The following CCDC30 variants were observed in gnomAD, a reference collection of about 807,000 sequenced individuals.
The protein encoded by CCDC30 is coiled-coil domain-containing protein 30.
In CCDC30, 70 loss-of-function variants were observed where a neutral mutation model predicts 100.2. That is an observed-to-expected ratio of 0.70 (90% confidence interval 0.58 to 0.85). The LOEUF (loss-of-function observed/expected upper bound fraction) is 0.85. Among genes scored for constraint, CCDC30 ranks in the 40% least tolerant of loss-of-function variants. CCDC30 has a pLI of 0.00. For missense variants in CCDC30, 652 were observed against 771.2 expected (o/e 0.85, Z 1.83); for synonymous variants, 233 against 269.5 (o/e 0.86, Z 1.33).
chr1:42,524,829 G>A (rs12569088), intron 6 of CCDC30, among the ~76,000 whole-genome samples: 19,809 of 152,190 alleles, frequency 0.13, 1,484 homozygotes, highest in East Asian at 0.19. Context: ...AAAAATATTC[G>A]TATCAGACAG....
intron 12 of CCDC30, among the ~76,000 whole-genome samples, chr1:42,640,773 A>G (rs762971859): frequency 6.6e-6 from 1 of 151,984 alleles, no homozygotes; most frequent in Non-Finnish European, 1.5e-5. Flanking sequence ...GGGCACCTAT[A>G]ATGTCAGCTA....
chr1:42,557,276 AT>A (rs1423989164), intron 6 of CCDC30, among the ~76,000 whole-genome samples: 1 of 152,236 alleles, frequency 6.6e-6, no homozygotes, highest in African/African-American at 2.4e-5. Flanking sequence ...GTCACAGTAA[AT>A]GGGGAAAATA....
chr1:42,550,830 T>G (rs1212638707), intron 6 of CCDC30, among the ~76,000 whole-genome samples: 1 of 152,224 alleles, frequency 6.6e-6, no homozygotes, highest in Non-Finnish European at 1.5e-5. Flanking sequence ...GTAGTGCTTG[T>G]CATATAGTTG....
chr1:42,649,983 T>C (rs1648193860), intron 15 of CCDC30, among the ~76,000 whole-genome samples: 1 of 152,142 alleles, frequency 6.6e-6, no homozygotes, highest in African/African-American at 2.4e-5. Flanking sequence ...TGTTCATGAA[T>C]CGAAAGAATT....
intron 11 of CCDC30, among the ~76,000 whole-genome samples, chr1:42,620,410 A>G (rs1241962624): frequency 1.3e-5 from 2 of 152,178 alleles, no homozygotes; most frequent in African/African-American, 2.4e-5. Flanking sequence ...ACAAGCTTTT[A>G]TAAAACTAGA....
intron 1 of CCDC30, among the ~76,000 whole-genome samples, chr1:42,477,942 T>C (rs1489079864): frequency 4.6e-5 from 7 of 152,174 alleles, no homozygotes; most frequent in South Asian, 2.1e-4. Context: ...TGATAATACA[T>C]AGTGGTTCAC....
chr1:42,648,889 A>T (rs1016268748), intron 15 of CCDC30, among the ~76,000 whole-genome samples: 3 of 152,182 alleles, frequency 2.0e-5, no homozygotes, highest in Non-Finnish European at 4.4e-5. Context: ...TCTCAGAAAT[A>T]CAAAGAATCA....
At chr1:42,581,716 A>G (rs1645971117) in intron 9 of CCDC30, among the ~76,000 whole-genome samples, 1 of 152,186 alleles carries the variant, frequency 6.6e-6, no homozygotes, top group Non-Finnish European at 1.5e-5. Flanking sequence ...CTCTGGCGCT[A>G]GAGTGTGAGA....
At chr1:42,564,881 T>A (rs1406197777) in intron 6 of CCDC30, among the ~76,000 whole-genome samples, 1 of 152,090 alleles carries the variant, frequency 6.6e-6, no homozygotes, top group Non-Finnish European at 1.5e-5. Flanking sequence ...CTTCTGTGAG[T>A]TCAACTTTAT....
At chr1:42,461,536 A>G (rs956517381), upstream of CCDC30, among the ~76,000 whole-genome samples, 1 of 148,992 alleles carries the variant, frequency 6.7e-6, no homozygotes, top group African/African-American at 2.5e-5. Flanking sequence ...AGGTCTTACT[A>G]TGTTACCCAG....
intron 1 of CCDC30, among the ~76,000 whole-genome samples, chr1:42,474,638 C>T (rs1643862985): frequency 6.6e-6 from 1 of 152,104 alleles, no homozygotes; most frequent in Admixed American, 6.5e-5. Flanking sequence ...AGCACTTTGG[C>T]GTACTAAGAA....
intron 6 of CCDC30, among the ~76,000 whole-genome samples, chr1:42,528,188 A>G (rs981073353): frequency 1.3e-5 from 2 of 152,218 alleles, no homozygotes; most frequent in African/African-American, 4.8e-5. Context: ...TCTAGTGGCA[A>G]TGAAGTCTAG....
At chr1:42,615,924 G>GTT (rs925718238) in intron 11 of CCDC30, among the ~76,000 whole-genome samples, 1 of 149,294 alleles carries the variant, frequency 6.7e-6, no homozygotes, top group African/African-American at 2.5e-5. Flanking sequence ...TGTTTTTTTG[G>GTT]TTTTTTTTTT....
intron 8 of CCDC30, among the ~76,000 whole-genome samples, chr1:42,579,505 G>A (rs939473279): frequency 2.0e-4 from 31 of 151,906 alleles, no homozygotes; most frequent in Admixed American, 5.2e-4. Flanking sequence ...GTGGTGGCAC[G>A]TGCCTTTAAT....
At chr1:42,512,628 G>C (rs1269437700) in intron 6 of CCDC30, among the ~76,000 whole-genome samples, 1 of 152,170 alleles carries the variant, frequency 6.6e-6, no homozygotes, top group Non-Finnish European at 1.5e-5. Flanking sequence ...AGAAAAGAAG[G>C]AAATTTTGCA....
intron 6 of CCDC30, among the ~76,000 whole-genome samples, chr1:42,543,244 A>G (rs1645052038): frequency 6.8e-6 from 1 of 147,542 alleles, no homozygotes. Flanking sequence ...AAGTGCTGGG[A>G]TTACAGGTGT....
intron 15 of CCDC30, among the ~76,000 whole-genome samples, chr1:42,647,694 A>T (rs1647997701): frequency 1.3e-5 from 2 of 152,234 alleles, no homozygotes; most frequent in African/African-American, 4.8e-5. Flanking sequence ...AACAAGTACA[A>T]ATTTGAAAAA....
chr1:42,495,208 G>A (rs1644212415), intron 4 of CCDC30, among the ~76,000 whole-genome samples: 1 of 151,378 alleles, frequency 6.6e-6, no homozygotes, highest in South Asian at 2.1e-4. Context: ...CCTTTGTAGG[G>A]ACATGGATGA....
At chr1:42,633,447 C>A (rs1647080094) in intron 11 of CCDC30, among the ~76,000 whole-genome samples, 1 of 152,180 alleles carries the variant, frequency 6.6e-6, no homozygotes, top group South Asian at 2.1e-4. Flanking sequence ...TCTAATCATA[C>A]CTTAGAATCC....
Sources: gnomAD v4.1 joint callset for allele counts (sites outside exome capture counted in the v4.1 genomes callset) on GRCh38, gnomAD v4.1.1 for gene constraint, MANE v1.5 for transcripts, NCBI Gene and HGNC (gene_info 2026-07-23, HGNC 2026-07-21) for gene names.